MAP7D2: variants seen among roughly 807,000 people sequenced by gnomAD.
MAP7D2 encodes the protein MAP7 domain-containing protein 2.
MAP7D2 carries 33 observed loss-of-function variants against 63.5 expected under a neutral mutation model. The ratio of observed to expected loss-of-function variants is 0.52; its 90% CI spans 0.39 to 0.70. The LOEUF (loss-of-function observed/expected upper bound fraction) is 0.70. MAP7D2 is among the 30% of genes least tolerant of loss of function. The probability of loss-of-function intolerance (pLI) is 0.00; values close to 1 mark genes in which losing one functional copy is unlikely to be tolerated. For missense variants in MAP7D2, 626 were observed against 604.0 expected, an observed-to-expected ratio of 1.04 and a Z score of -0.38; for synonymous variants, 224 against 223.7, an observed-to-expected ratio of 1.00 and a Z score of -0.01.
chrX:20,086,747 C>T (rs1307814010), intron 1 of MAP7D2, among the ~76,000 whole-genome samples: 1 of 111,167 alleles, frequency 9.0e-6, no homozygotes, highest in African/African-American at 3.3e-5. Flanking sequence ...TTGATCATGT[C>T]GGGCACAGTC....
At chrX:20,063,005 C>T (rs1181524468) in intron 3 of MAP7D2, among the ~76,000 whole-genome samples, 3 of 110,330 alleles carry the variant, frequency 2.7e-5, no homozygotes, top group Non-Finnish European at 3.8e-5. Flanking sequence ...CTCACCCAGC[C>T]GCTACCCACA....
chrX:20,042,596 T>C lies in MAP7D2; in HGVS notation c.913A>G (p.Thr305Ala), dbSNP rs752730253. ...CCGAAGTTCACAACAGGAAGAGAAG[T>C]TGCTGTTCGTTGCCCCCGCTTCACC... Reference protein sequence around the residue: ...EKVKRGQRTATSLPVVNFGSP... With the variant: ...EKVKRGQRTAASLPVVNFGSP... The change falls in exon 8 of 17, where the codon ACT becomes GCT. Residue 305 changes from threonine to alanine, a missense_variant. Thr to Ala is a moderately conservative substitution (Grantham distance 58). Coordinates refer to ENST00000379643, the MANE Select transcript of MAP7D2 (RefSeq NM_001168465.2). 8.3e-7 allele frequency: 1 copy of C among 1,211,258 alleles called. No individual in the cohort carries two copies.
intron 4 of MAP7D2, among the ~76,000 whole-genome samples, chrX:20,054,650 G>A (rs1023899496): frequency 3.6e-5 from 4 of 110,049 alleles, no homozygotes; most frequent in Admixed American, 2.9e-4. Flanking sequence ...GCACTGGTAC[G>A]ATCTCACTGC....
chrX:20,094,892 A>G (rs2066214886), intron 1 of MAP7D2, among the ~76,000 whole-genome samples: 1 of 108,335 alleles, frequency 9.2e-6, no homozygotes, highest in African/African-American at 3.3e-5. Context: ...TAATCCTGAA[A>G]GCTCCCTTCC....
At chrX:20,108,855 C>G (rs894091243) in intron 1 of MAP7D2, among the ~76,000 whole-genome samples, 4 of 110,545 alleles carry the variant, frequency 3.6e-5, no homozygotes, top group Non-Finnish European at 7.6e-5. Flanking sequence ...GAACCTCAAT[C>G]ATACCCAACA....
At chrX:20,055,973 A>G (rs2065060499) in intron 4 of MAP7D2, 1 of 275,363 alleles carries the variant, frequency 3.6e-6, no homozygotes, top group Non-Finnish European at 6.5e-6. Flanking sequence ...AATAAAGTAT[A>G]TTTACTGCCC....
chrX:20,054,390 T>C (rs2065021104), intron 4 of MAP7D2, among the ~76,000 whole-genome samples: 1 of 111,756 alleles, frequency 8.9e-6, no homozygotes. Flanking sequence ...TAGAAATTTG[T>C]TGTTTATTAT....
At position 20,116,688 on chromosome X, in the gene MAP7D2, G is replaced by A. The variant is rs1603413569; in HGVS notation, c.130+62C>T. On this transcript the variant is annotated intron_variant, in intron 1 of 16. Transcript: ENST00000379643. ...TCGAGGACCTTTGCCCTGGGCCGCC[G>A]GGCCCGCCCCCCCACAGGAACCCGA... 8.3e-6 allele frequency: 9 copies of A among 1,090,394 alleles called. No individual in the cohort carries two copies. In the East Asian group the frequency reaches 2.6e-4, roughly 31 times the overall value. The allele number at this position is 1,090,394 out of a possible 1,213,427, so 89.9% of individuals were successfully genotyped here.
chrX:20,055,550 CG>C (rs2065049247), intron 4 of MAP7D2, among the ~76,000 whole-genome samples: 1 of 111,561 alleles, frequency 9.0e-6, no homozygotes, highest in Admixed American at 9.5e-5. Flanking sequence ...AGGCATGCAC[CG>C]CTCTATAATG....
rs1358089573 is a variant in MAP7D2, at chrX:20,008,021, C to T, written c.*404G>A. 1 of 111,781 alleles carries T rather than the reference C, an allele frequency of 8.9e-6. No individual in the cohort carries two copies. The highest frequency in any genetic ancestry group is 1.9e-5 in the Non-Finnish European group (1 of 53,167). 9.2% of individuals were successfully genotyped at this position (111,781 alleles called of 1,213,427 possible). On this transcript the variant is annotated 3_prime_UTR_variant, in exon 17 of 17. Transcript: ENST00000379643. ...GTTGAACTAGAGTTTGGGTAAATGT[C>T]TAGAATATTTTACAGGAAAAGACAT...
At chrX:20,105,633 T>C (rs2066546445) in intron 1 of MAP7D2, among the ~76,000 whole-genome samples, 2 of 111,628 alleles carry the variant, frequency 1.8e-5, no homozygotes, top group Non-Finnish European at 3.8e-5. Context: ...AAGTGGCTTC[T>C]GTGGACAAGG....
chrX:20,040,021 G>C (rs1302271815), intron 8 of MAP7D2, among the ~76,000 whole-genome samples: 1 of 88,041 alleles, frequency 1.1e-5, no homozygotes, highest in Admixed American at 1.2e-4. Context: ...AAAAAAAAAA[G>C]CAGGTGGAAG....
At chrX:20,024,870 C>T (rs753426579) in intron 10 of MAP7D2, 81 bp downstream of exon 10, 26 of 1,079,396 alleles carry the variant, frequency 2.4e-5, no homozygotes, top group African/African-American at 7.3e-5. Flanking sequence ...TCAATACCAA[C>T]GCTGTAAAAA....
chrX:20,015,287 T>C lies in MAP7D2; in HGVS notation c.1685A>G (p.Gln562Arg). The C allele has an allele frequency of 8.3e-7, 1 of 1,211,546 alleles. No individual in the cohort carries two copies. The highest frequency in any genetic ancestry group is 1.1e-6 in the Non-Finnish European group (1 of 895,272). Residue 562 changes from glutamine (Q) to arginine (R), a missense_variant, in exon 12 of 17, where the codon CAG (glutamine) becomes CGG (arginine). Gln to Arg is a conservative substitution (Grantham distance 43). Coordinates refer to ENST00000379643, the MANE Select transcript of MAP7D2 (RefSeq NM_001168465.2). The stretch of plus-strand genomic sequence containing the variant: ...AATCTGTTCTCTCTCGAGACGCATC[T>C]GTTCAGCTACCTCCCGGGCCTTTGT... ...AETKAREVAE[Q>R]MRLEREQIML...
intron 8 of MAP7D2, among the ~76,000 whole-genome samples, chrX:20,040,949 CA>C (rs1251016143): frequency 9.0e-6 from 1 of 110,570 alleles, no homozygotes; most frequent in African/African-American, 3.3e-5. Context: ...ACAACAACAA[CA>C]AAAAAAACCA....
chrX:20,043,401 T>A (rs1242996261), intron 7 of MAP7D2, among the ~76,000 whole-genome samples: 1 of 112,312 alleles, frequency 8.9e-6, no homozygotes, highest in Non-Finnish European at 1.9e-5. Flanking sequence ...TTGATCTTAG[T>A]GACTTACTTA....
intron 6 of MAP7D2, among the ~76,000 whole-genome samples, chrX:20,045,527 GAAAAA>G (rs1170223479): frequency 1.1e-4 from 2 of 18,014 alleles, no homozygotes; most frequent in Admixed American, 1.9e-3. Flanking sequence ...ACCCCATCTC[GAAAAA>G]AAAAAAAAAA....
rs745631080 is a variant in MAP7D2 at position 20,054,825 on chromosome X, G to A, written c.485-1837C>T. ...TCGAACTACTGACATCAAGCAATCC[G>A]CCTGCCTCAGCCTCCCAAAGTGCTG... On this transcript the variant is annotated intron_variant, in intron 4 of 16. Transcript: ENST00000379643. Among the ~76,000 whole-genome samples the A allele has an allele frequency of 3.6e-5, 4 of 111,073 alleles. No individual in the cohort carries two copies. In the East Asian group the frequency reaches 8.5e-4, roughly 24 times the overall value.
intron 1 of MAP7D2, among the ~76,000 whole-genome samples, chrX:20,069,702 T>C (rs2065449564): frequency 9.0e-6 from 1 of 110,656 alleles, no homozygotes; most frequent in African/African-American, 3.3e-5. Context: ...TTAGTTGTGA[T>C]ACTGTTCTAT....
Sources: gnomAD v4.1 joint callset for allele counts (sites outside exome capture counted in the v4.1 genomes callset) on GRCh38, gnomAD v4.1.1 for gene constraint, MANE v1.5 for transcripts, NCBI Gene and HGNC (gene_info 2026-07-23, HGNC 2026-07-21) for gene names.